The following BUB1 variants were observed in gnomAD, a reference collection of about 807,000 sequenced individuals.
The protein encoded by BUB1 is BUB1 mitotic checkpoint serine/threonine kinase, also known as mitotic checkpoint serine/threonine-protein kinase BUB1.
Under a neutral mutation model 135.2 loss-of-function variants are expected in BUB1, and 84 were observed. The ratio of observed to expected loss-of-function variants is 0.62; its 90% CI spans 0.52 to 0.74. BUB1 has a LOEUF of 0.74. Ranked by LOEUF, BUB1 falls within the 30% of genes least tolerant of loss-of-function variation. The pLI is 0.00. For missense variants in BUB1, 1,162 were observed against 1,288.3 expected, an observed-to-expected ratio of 0.90 and a Z score of 1.50; for synonymous variants, 403 against 434.4, an observed-to-expected ratio of 0.93 and a Z score of 0.90.
intron 9 of BUB1, among the ~76,000 whole-genome samples, chr2:110,664,230 G>A (rs1429889786): frequency 6.6e-6 from 1 of 152,014 alleles, no homozygotes; most frequent in East Asian, 1.9e-4. Flanking sequence ...CCCCAGAATT[G>A]CAAAACTAGA....
rs2104534477 is a variant in BUB1, at chr2:110,655,887, CA to C, written c.1727del (p.Leu576TrpfsTer47). The C allele has an allele frequency of 6.2e-7, 1 of 1,613,318 alleles. No individual in the cohort carries two copies. ...GAATACCCCATACAGTTGAGTCATC[CA>C]AAAACTCTTCAGCATGAGGCACTTC... ...KEEVPHAEEFLDDSTVWGIRC... is the reference protein window; with the variant it reads ...KEEVPHAEEFXDDSTVWGIRC... On this transcript the variant is annotated frameshift_variant, in exon 16 of 25. Coordinates refer to ENST00000302759, the MANE Select transcript of BUB1 (RefSeq NM_004336.5). LOFTEE classifies it high-confidence loss of function.
chr2:110,661,309 T>C (rs1294513515), intron 10 of BUB1: 2 of 412,402 alleles, frequency 4.8e-6, no homozygotes, highest in African/African-American at 2.0e-5. Context: ...CTGTATATTC[T>C]TCAGTTACAA....
chr2:110,674,025 G>C, intron 3 of BUB1, 61 bp downstream of exon 3: 4 of 1,331,704 alleles, frequency 3.0e-6, no homozygotes, highest in Non-Finnish European at 4.1e-6. Flanking sequence ...TACAATCTAA[G>C]TTTAAAAAGC....
chr2:110,657,114 T>C lies in BUB1; in HGVS notation c.1620A>G (p.Leu540=), dbSNP rs2068586272. 2 of 1,611,092 alleles carry C rather than the reference T, an allele frequency of 1.2e-6. No individual in the cohort carries two copies. Among genetic ancestry groups the C allele is most frequent in the African/African-American group, 1.3e-5 (1 of 74,780 alleles). ...FEDGNKENYG[L]PQPKNKPTGA... Reference sequence around the variant, plus strand: ...CTGTGGGTTTATTTTTAGGCTGTGGTAATCTAAGGAAAGATTTGCTAAATT... The same window carrying C: ...CTGTGGGTTTATTTTTAGGCTGTGGCAATCTAAGGAAAGATTTGCTAAATT... Residue 540 remains leucine, a synonymous_variant, in exon 15 of 25, where the codon TTA becomes TTG. Transcript: ENST00000302759.
At chr2:110,677,867 G>T (rs1057029672) in intron 1 of BUB1, 103 bp downstream of exon 1, 6 of 1,367,188 alleles carry the variant, frequency 4.4e-6, no homozygotes, top group Middle Eastern at 2.2e-4. Flanking sequence ...AACCCAGGAA[G>T]GGGGCGAAGG....
At chr2:110,641,551 C>T in intron 21 of BUB1, 87 bp from the exon 22 acceptor site, 8 of 1,553,374 alleles carry the variant, frequency 5.2e-6, no homozygotes, top group Non-Finnish European at 6.9e-6. Context: ...GCCCACCACT[C>T]CACAAAAGCC....
At position 110,648,949 on chromosome 2, in the gene BUB1, A is replaced by C; in HGVS notation, c.2347+285T>G. On this transcript the variant is annotated intron_variant, in intron 19 of 24. Coordinates refer to ENST00000302759, the MANE Select transcript of BUB1 (RefSeq NM_004336.5). This position sits in a 1 kb window ranked among gnomAD's most constrained non-coding sequence, Gnocchi z 4.2. ...GAAGTATATAATAATATCTATAGGAAATCCTTAAAAGTGGATAGCTGGCTT... is the reference window on the plus strand; with the variant it reads ...GAAGTATATAATAATATCTATAGGACATCCTTAAAAGTGGATAGCTGGCTT... The C allele has an allele frequency of 4.7e-6, 1 of 214,944 alleles. No homozygotes were observed. The highest frequency in any genetic ancestry group is 9.2e-6 in the Non-Finnish European group (1 of 108,630). The allele number at this position is 214,944 out of a possible 1,614,324, so 13.3% of individuals were successfully genotyped here.
At chr2:110,659,930 A>C in intron 11 of BUB1, 48 bp downstream of exon 11, 1 of 1,527,416 alleles carries the variant, frequency 6.5e-7, no homozygotes, top group Non-Finnish European at 9.1e-7. Context: ...CCTCTGAGTG[A>C]TACAGAGGAA....
At position 110,660,032 on chromosome 2, in the gene BUB1, C is replaced by T; in HGVS notation, c.1222G>A (p.Val408Met). 4 of 1,610,878 alleles carry T rather than the reference C, an allele frequency of 2.5e-6. No homozygotes were observed. Among genetic ancestry groups the T allele is most frequent in the Non-Finnish European group, 3.4e-6 (4 of 1,177,622 alleles). ...TTGAATTCATGAGTACTCTTATTCA[C>T]ACATCTGGAAGAGAAAACTCTTGAG... ...FAVASKDAGC[V>M]NKSTHEFKPQ... Residue 408 changes from valine (V) to methionine (M), a missense_variant, in exon 11 of 25, where the codon GTG (valine) becomes ATG (methionine). By Grantham distance (21) the Val-to-Met change is conservative. Transcript: ENST00000302759.
At chr2:110,669,387 A>C (rs1288658685) in intron 6 of BUB1, 66 bp downstream of exon 6, 1 of 1,092,338 alleles carries the variant, frequency 9.2e-7, no homozygotes, top group Non-Finnish European at 1.4e-6. Flanking sequence ...TGGATGTAGA[A>C]GGCAGCCAGG....
At chr2:110,652,624 A>C (rs954281566) in intron 17 of BUB1, among the ~76,000 whole-genome samples, 1 of 152,184 alleles carries the variant, frequency 6.6e-6, no homozygotes, top group South Asian at 2.1e-4. Context: ...TCACTAATTC[A>C]GTGTTTGTGG....
intron 17 of BUB1, among the ~76,000 whole-genome samples, chr2:110,652,088 A>G (rs1252624868): frequency 6.6e-6 from 1 of 151,854 alleles, no homozygotes; most frequent in Non-Finnish European, 1.5e-5. Context: ...ACACACACAC[A>G]GTATACAGTT....
intron 1 of BUB1, among the ~76,000 whole-genome samples, chr2:110,675,476 C>A (rs1374330824): frequency 6.6e-6 from 1 of 151,974 alleles, no homozygotes; most frequent in African/African-American, 2.4e-5. Flanking sequence ...GTGTGATGAG[C>A]AGGAAAAGGT....
chr2:110,644,031 C>CCAA (rs1423753883), intron 19 of BUB1, among the ~76,000 whole-genome samples: 1 of 80,300 alleles, frequency 1.2e-5, no homozygotes, highest in East Asian at 2.8e-4. Context: ...TGAAGATAGG[C>CCAA]CAATAAAAAC....
Position 110,667,461 on chromosome 2 carries a change from C to CA in BUB1, c.805+59dup. On this transcript the variant is annotated intron_variant, in intron 8 of 24. Coordinates refer to ENST00000302759, the MANE Select transcript of BUB1 (RefSeq NM_004336.5). ...ATTATTCTTTAAAAAAGTAATTACT[C>CA]AGAGATGAGGATTTTTTTATGTGAC... is the stretch of plus-strand genomic sequence containing the variant. 2.7e-6 allele frequency: 4 copies of CA among 1,481,104 alleles called. No homozygotes were observed. In the South Asian group the frequency reaches 5.2e-5, roughly 19 times the overall value. The allele number at this position is 1,481,104 out of a possible 1,614,324, so 91.7% of individuals were successfully genotyped here. A position where few individuals can be genotyped will look rare whatever the true frequency, so the allele number is the denominator to read the frequency against.
intron 5 of BUB1, among the ~76,000 whole-genome samples, chr2:110,670,043 G>A (rs966238976): frequency 2.6e-5 from 4 of 151,126 alleles, no homozygotes; most frequent in African/African-American, 7.3e-5. Context: ...GCTCTTTGGG[G>A]CTATTTAGTG....
At chr2:110,639,975 G>C in intron 23 of BUB1, 127 bp from the exon 24 acceptor site, 2 of 814,750 alleles carry the variant, frequency 2.5e-6, no homozygotes, top group Non-Finnish European at 4.2e-6. Flanking sequence ...ATTTTGGAAG[G>C]CATTTGTTCA....
intron 9 of BUB1, among the ~76,000 whole-genome samples, chr2:110,663,930 G>A (rs1404580467): frequency 1.3e-5 from 2 of 151,660 alleles, no homozygotes. Context: ...TCAGGAGGCT[G>A]AGGCAGGAGA....
chr2:110,652,322 G>T (rs1689808715), intron 17 of BUB1, among the ~76,000 whole-genome samples: 1 of 152,024 alleles, frequency 6.6e-6, no homozygotes, highest in African/African-American at 2.4e-5. Flanking sequence ...TCCTTTTCGA[G>T]CTGTACTTAG....
Sources: allele counts gnomAD v4.1 joint callset (sites outside exome capture counted in the v4.1 genomes callset), GRCh38; gene constraint gnomAD v4.1.1; non-coding constraint Gnocchi (gnomAD v3.1); transcripts MANE v1.5; gene names NCBI Gene and HGNC (gene_info 2026-07-23, HGNC 2026-07-21).